Variants in WDR70 observed in about 807,000 individuals in gnomAD.
The protein encoded by WDR70 is WD repeat-containing protein 70.
Under a neutral mutation model 88.6 loss-of-function variants are expected in WDR70, and 53 were observed. That is an observed-to-expected ratio of 0.60 (90% confidence interval 0.48 to 0.75). WDR70 has a LOEUF of 0.75. Among genes scored for constraint, WDR70 ranks in the 30% least tolerant of loss-of-function variants. WDR70 has a pLI of 0.00. For missense variants in WDR70, 610 were observed against 823.2 expected (o/e 0.74, Z 3.17); for synonymous variants, 280 against 270.0 (o/e 1.04, Z -0.36).
At position 37,491,624 on chromosome 5, in the gene WDR70, T is replaced by G. The variant is rs370283275; in HGVS notation, c.840+11637T>G. Among the ~76,000 whole-genome samples the G allele has an allele frequency of 5.9e-5, 9 of 152,322 alleles. 2 individuals carry two copies. Among genetic ancestry groups the G allele is most frequent in the African/African-American group, 2.2e-4 (9 of 41,572 alleles). The stretch of plus-strand genomic sequence containing the variant: ...GAGTTTTCAGATGTTTTATTTATTT[T>G]TGAATAGTACGTGTAGTCATTCTGA... On this transcript the variant is annotated intron_variant, in intron 8 of 17. Coordinates refer to ENST00000265107, the MANE Select transcript of WDR70 (RefSeq NM_018034.4).
chr5:37,530,108 A>G (rs1267598542), intron 9 of WDR70, among the ~76,000 whole-genome samples: 4 of 152,132 alleles, frequency 2.6e-5, no homozygotes, highest in Admixed American at 6.5e-5. Context: ...AATTCTGTTT[A>G]TGTGATGTAT....
At chr5:37,462,823 C>A (rs1463218919) in intron 7 of WDR70, among the ~76,000 whole-genome samples, 2 of 151,836 alleles carry the variant, frequency 1.3e-5, no homozygotes. Context: ...TTTTAATCCT[C>A]ACCCAATTTT....
chr5:37,533,831 C>T (rs976924901), intron 9 of WDR70, among the ~76,000 whole-genome samples: 7 of 152,160 alleles, frequency 4.6e-5, no homozygotes, highest in Non-Finnish European at 1.5e-5. Flanking sequence ...ATGCAGTCCC[C>T]AGTCCTAAAG....
intron 5 of WDR70, among the ~76,000 whole-genome samples, chr5:37,432,709 G>A (rs1356120331): frequency 1.3e-5 from 2 of 150,712 alleles, no homozygotes; most frequent in Non-Finnish European, 3.0e-5. Context: ...GAGCCACCGC[G>A]CCCGGCCTTT....
intron 14 of WDR70, chr5:37,721,704 AC>A (rs1747820158): frequency 6.5e-6 from 1 of 153,194 alleles, no homozygotes; most frequent in African/African-American, 2.4e-5. Context: ...CCCCATGCCC[AC>A]CCAAGTTTCA....
At chr5:37,639,686 TATAACACTCTTTG>T (rs1457395919) in intron 10 of WDR70, among the ~76,000 whole-genome samples, 1 of 152,178 alleles carries the variant, frequency 6.6e-6, no homozygotes, top group Admixed American at 6.5e-5. Flanking sequence ...GCTTGATTTC[TATAACACTCTTTG>T]ATGGTGATCA....
intron 5 of WDR70, among the ~76,000 whole-genome samples, chr5:37,407,153 T>A (rs1177367099): frequency 6.6e-6 from 1 of 152,060 alleles, no homozygotes; most frequent in Non-Finnish European, 1.5e-5. Flanking sequence ...AGAGTGAGAC[T>A]GTCTCAAAAG....
chr5:37,410,155 A>T (rs574119946), intron 5 of WDR70, among the ~76,000 whole-genome samples: 4 of 150,862 alleles, frequency 2.7e-5, no homozygotes, highest in South Asian at 4.2e-4. Context: ...AGCTAGGACT[A>T]CAGGCGAATG....
chr5:37,433,465 T>C (rs1750375317), intron 5 of WDR70, among the ~76,000 whole-genome samples: 1 of 152,342 alleles, frequency 6.6e-6, no homozygotes, highest in East Asian at 1.9e-4. Context: ...CTGGCTTTTA[T>C]GTATACAGTT....
At chr5:37,411,099 G>GT (rs1430620058) in intron 5 of WDR70, among the ~76,000 whole-genome samples, 14 of 152,166 alleles carry the variant, frequency 9.2e-5, no homozygotes, top group African/African-American at 3.1e-4. Flanking sequence ...AAGTGTGATT[G>GT]TTTTTATTAA....
At chr5:37,421,124 A>C (rs1194902250) in intron 5 of WDR70, among the ~76,000 whole-genome samples, 1 of 152,124 alleles carries the variant, frequency 6.6e-6, no homozygotes, top group Non-Finnish European at 1.5e-5. Context: ...CGGAAGTGCT[A>C]AGTTCTCTAA....
intron 5 of WDR70, among the ~76,000 whole-genome samples, chr5:37,407,693 G>T (rs968211713): frequency 1.3e-5 from 2 of 150,188 alleles, no homozygotes; most frequent in Non-Finnish European, 3.0e-5. Flanking sequence ...TTCCTTTTAC[G>T]CCTTTTGTCT....
At chr5:37,696,566 C>T (rs185357537) in intron 10 of WDR70, among the ~76,000 whole-genome samples, 7 of 152,292 alleles carry the variant, frequency 4.6e-5, no homozygotes, top group Non-Finnish European at 8.8e-5. Flanking sequence ...ACCAGCAGTG[C>T]CCCTGTCTTT....
At chr5:37,554,498 A>C (rs1311471736) in intron 9 of WDR70, among the ~76,000 whole-genome samples, 3 of 152,124 alleles carry the variant, frequency 2.0e-5, no homozygotes, top group African/African-American at 7.2e-5. Flanking sequence ...AAAGTAGCTA[A>C]ATGAAAATAA....
At chr5:37,517,806 C>T (rs930658640) in intron 9 of WDR70, among the ~76,000 whole-genome samples, 1 of 148,678 alleles carries the variant, frequency 6.7e-6, no homozygotes, top group Non-Finnish European at 1.5e-5. Flanking sequence ...CTTCGTGTTA[C>T]AAACAATCCA....
At chr5:37,404,162 C>T (rs940918158) in intron 5 of WDR70, among the ~76,000 whole-genome samples, 1 of 152,094 alleles carries the variant, frequency 6.6e-6, no homozygotes, top group Admixed American at 6.6e-5. Flanking sequence ...TGCCTTAACT[C>T]CTGCAATTTG....
intron 9 of WDR70, among the ~76,000 whole-genome samples, chr5:37,551,374 C>T (rs1454813776): frequency 1.3e-5 from 2 of 151,896 alleles, no homozygotes; most frequent in African/African-American, 4.8e-5. Context: ...ACATAGTCCC[C>T]TAGCTTTTTA....
intron 5 of WDR70, among the ~76,000 whole-genome samples, chr5:37,406,490 C>T (rs1039079914): frequency 1.1e-4 from 16 of 152,232 alleles, no homozygotes; most frequent in Admixed American, 1.0e-3. Flanking sequence ...GGCTCCTTCA[C>T]TTTAAAGCTG....
At chr5:37,416,536 G>C (rs1420441133) in intron 5 of WDR70, among the ~76,000 whole-genome samples, 1 of 151,552 alleles carries the variant, frequency 6.6e-6, no homozygotes, top group Admixed American at 6.6e-5. Flanking sequence ...GAGAGGGAGA[G>C]GGAGATCGTG....
Sources: gnomAD v4.1 joint callset for allele counts (sites outside exome capture counted in the v4.1 genomes callset) on GRCh38, gnomAD v4.1.1 for gene constraint, MANE v1.5 for transcripts, NCBI Gene and HGNC (gene_info 2026-07-23, HGNC 2026-07-21) for gene names.